Variants in PRR15L observed in about 807,000 individuals in gnomAD.
PRR15L encodes proline-rich protein 15-like protein.
In PRR15L, 1 loss-of-function variant was observed where a neutral mutation model predicts 3.7. The ratio of observed to expected loss-of-function variants is 0.27; its 90% CI spans 0.09 to 1.27. The LOEUF (loss-of-function observed/expected upper bound fraction) is 1.27, where lower values mean the gene tolerates loss of function less well. PRR15L is among the 50% of genes most tolerant of loss of function. PRR15L has a pLI of 0.47. For missense variants in PRR15L, 127 were observed against 128.7 expected, an observed-to-expected ratio of 0.99 and a Z score of 0.06; for synonymous variants, 57 against 51.9, an observed-to-expected ratio of 1.10 and a Z score of -0.42.
intron 1 of PRR15L, among the ~76,000 whole-genome samples, chr17:47,956,912 G>C (rs747809825): frequency 2.0e-5 from 3 of 152,222 alleles, no homozygotes; most frequent in South Asian, 2.1e-4. Flanking sequence ...CAGTTAGCTC[G>C]TGCAGGTTCC....
chr17:47,952,916 C>T lies in PRR15L; in HGVS notation c.*7G>A. ...AGCCAAGAGGTGCTAGCACCCTCCT[C>T]AGCCCTTCACTTTGATGACCGTCCT... is the stretch of plus-strand genomic sequence containing the variant. On this transcript the variant is annotated 3_prime_UTR_variant, in exon 2 of 2. Coordinates refer to ENST00000300557, the MANE Select transcript of PRR15L (RefSeq NM_024320.4). The T allele has an allele frequency of 6.2e-7, 1 of 1,609,780 alleles. No homozygotes were observed. Among genetic ancestry groups the T allele is most frequent in the South Asian group, 1.1e-5 (1 of 90,610 alleles).
At chr17:47,955,576 G>A (rs1046629983) in intron 1 of PRR15L, among the ~76,000 whole-genome samples, 2 of 152,142 alleles carry the variant, frequency 1.3e-5, no homozygotes, top group African/African-American at 2.4e-5. Flanking sequence ...TGCAGCTCCC[G>A]CTCAGAAAGT....
chr17:47,952,853 G>T lies in PRR15L; in HGVS notation c.*70C>A, dbSNP rs193177482. 2.7e-6 allele frequency: 4 copies of T among 1,475,166 alleles called. No homozygotes were observed. The Admixed American group carries it at 8.3e-5, about 31-fold the overall frequency. 91.4% of individuals were successfully genotyped at this position (1,475,166 alleles called of 1,614,324 possible). On this transcript the variant is annotated 3_prime_UTR_variant, in exon 2 of 2. Coordinates refer to ENST00000300557, the MANE Select transcript of PRR15L (RefSeq NM_024320.4). ...TTCAGCTATGGCCAAAGAGGCCAGC[G>T]TGGCAAGGTCCTGTCTCAGATCTGG...
At chr17:47,955,981 T>A (rs1046220679) in intron 1 of PRR15L, among the ~76,000 whole-genome samples, 1 of 152,238 alleles carries the variant, frequency 6.6e-6, no homozygotes, top group Admixed American at 6.5e-5. Flanking sequence ...TCACCTGTTT[T>A]AACAGGTATT....
At chr17:47,956,488 CAA>C (rs1028179254) in intron 1 of PRR15L, among the ~76,000 whole-genome samples, 3 of 151,570 alleles carry the variant, frequency 2.0e-5, no homozygotes, top group African/African-American at 7.3e-5. Context: ...ACAACAACAA[CAA>C]AAAAAGAGAA....
rs145504828 is a variant in PRR15L at position 47,955,784 on chromosome 17, G to C, written c.-30+1873C>G. On this transcript the variant is annotated intron_variant, in intron 1 of 1. Transcript: ENST00000300557. Reference sequence around the variant, plus strand: ...GCAGAGAAGGAGGAACAGGGCACTTGCTTGGTCTGTGGGTGCCCGAGTCAC... The same window carrying C: ...GCAGAGAAGGAGGAACAGGGCACTTCCTTGGTCTGTGGGTGCCCGAGTCAC... Among the ~76,000 whole-genome samples the C allele has an allele frequency of 3.9e-4, 60 of 152,306 alleles. 1 individual carries two copies. In the East Asian group the frequency reaches 0.011, roughly 28 times the overall value.
intron 1 of PRR15L, among the ~76,000 whole-genome samples, chr17:47,956,842 G>T (rs1034613244): frequency 2.6e-5 from 4 of 152,250 alleles, no homozygotes; most frequent in Non-Finnish European, 4.4e-5. Flanking sequence ...TTGGGGGAGT[G>T]GGGGCAGGTG....
At chr17:47,957,593 G>A (rs1254830251) in intron 1 of PRR15L, 64 bp downstream of exon 1, 1 of 152,430 alleles carries the variant, frequency 6.6e-6, no homozygotes, top group Non-Finnish European at 1.5e-5. Flanking sequence ...CCTGGAGGCA[G>A]AACCAGGTGC....
In PRR15L at chr17:47,952,661, TC is replaced by T; in HGVS notation, c.*261del. 1 of 373,462 alleles carries T rather than the reference TC, an allele frequency of 2.7e-6. No homozygotes were observed. The highest frequency in any genetic ancestry group is 4.9e-6 in the Non-Finnish European group (1 of 205,558). 23.1% of individuals were successfully genotyped at this position (373,462 alleles called of 1,614,324 possible). On this transcript the variant is annotated 3_prime_UTR_variant, in exon 2 of 2. Coordinates refer to ENST00000300557, the MANE Select transcript of PRR15L (RefSeq NM_024320.4). ...CTGCCATTGCTTCAAGGAGGGCTGT[TC>T]CTCCTGGGTGAGACTTTTCACTCTT...
rs759227067 is a variant in PRR15L, at chr17:47,953,217, A to G, written c.18T>C (p.Gly6=). Residue 6 remains glycine, a synonymous_variant, in exon 2 of 2, where the codon GGT becomes GGC. Coordinates refer to ENST00000300557, the MANE Select transcript of PRR15L (RefSeq NM_024320.4). ...TCCGGAGGAAAGTCAGCTTCCACCAACCAATTTCAGTCGTCATGGCGCTCC... is the reference window on the plus strand; with the variant it reads ...TCCGGAGGAAAGTCAGCTTCCACCAGCCAATTTCAGTCGTCATGGCGCTCC... The part of the protein sequence containing the change: MTTEI[G]WWKLTFLRKK... The G allele has an allele frequency of 6.3e-7, 1 of 1,584,478 alleles. No homozygotes were observed. Among genetic ancestry groups the G allele is most frequent in the Non-Finnish European group, 8.6e-7 (1 of 1,163,580 alleles).
rs2036087358 is a variant in PRR15L at position 47,953,091 on chromosome 17, G to T, written c.144C>A (p.Asn48Lys). ...TCTCCAGGCGGGTGTTAAAGTCGCTGTTGGGGCCTCCAGCGTCAGGCCTCG... is the reference window on the plus strand; with the variant it reads ...TCTCCAGGCGGGTGTTAAAGTCGCTTTTGGGGCCTCCAGCGTCAGGCCTCG... ...EPPRPDAGGP[N>K]SDFNTRLEKI... Residue 48 changes from asparagine to lysine, a missense_variant, in exon 2 of 2, where the codon AAC (asparagine) becomes AAA (lysine). Transcript: ENST00000300557. 3.1e-6 allele frequency: 5 copies of T among 1,614,182 alleles called. No homozygotes were observed. Among genetic ancestry groups the T allele is most frequent in the Non-Finnish European group, 3.4e-6 (4 of 1,180,022 alleles).
rs1394123116 is a variant in PRR15L at position 47,953,127 on chromosome 17, A to G, written c.108T>C (p.Asp36=). The G allele has an allele frequency of 1.2e-6, 2 of 1,613,928 alleles. No homozygotes were observed. Among genetic ancestry groups the G allele is most frequent in the African/African-American group, 1.3e-5 (1 of 74,864 alleles). ...CAGCGTCAGGCCTCGGGGGTTCTGC[A>G]TCTCCCTCTGTTTGGGCATAGGTGT... ...IPDTYAQTEG[D]AEPPRPDAGG... The change falls in exon 2 of 2, where the codon GAT becomes GAC. Residue 36 remains aspartate, a synonymous_variant. Transcript: ENST00000300557.
Position 47,952,825 on chromosome 17 carries a change from A to G in PRR15L, c.*98T>C. 3 of 1,274,694 alleles carry G rather than the reference A, an allele frequency of 2.4e-6. No individual in the cohort carries two copies. Among genetic ancestry groups the G allele is most frequent in the Non-Finnish European group, 3.2e-6 (3 of 934,088 alleles). The allele number at this position is 1,274,694 out of a possible 1,614,324, so 79.0% of individuals were successfully genotyped here. On this transcript the variant is annotated 3_prime_UTR_variant, in exon 2 of 2. Transcript: ENST00000300557. ...GCCAGCAGGTATCAACTGGCCCCAC[A>G]GCTTCAGCTATGGCCAAAGAGGCCA...
intron 1 of PRR15L, among the ~76,000 whole-genome samples, chr17:47,955,001 C>T (rs927346540): frequency 6.7e-6 from 1 of 148,312 alleles, no homozygotes; most frequent in Non-Finnish European, 1.5e-5. Flanking sequence ...ATGATCTCGG[C>T]TCACCACAAC....
At chr17:47,956,136 T>C (rs1443608085) in intron 1 of PRR15L, among the ~76,000 whole-genome samples, 4 of 152,154 alleles carry the variant, frequency 2.6e-5, no homozygotes, top group Non-Finnish European at 5.9e-5. Context: ...CTGGTGCCCT[T>C]GCATCCTAGC....
intron 1 of PRR15L, among the ~76,000 whole-genome samples, chr17:47,955,576 G>T (rs1046629983): frequency 1.3e-5 from 2 of 152,142 alleles, no homozygotes; most frequent in Admixed American, 6.5e-5. Flanking sequence ...TGCAGCTCCC[G>T]CTCAGAAAGT....
At position 47,952,875 on chromosome 17, in the gene PRR15L, C is replaced by G; in HGVS notation, c.*48G>C. ...AGCGTGGCAAGGTCCTGTCTCAGAT[C>G]TGGCTGATGGCAGGGAGCCAAGAGG... On this transcript the variant is annotated 3_prime_UTR_variant, in exon 2 of 2. Coordinates refer to ENST00000300557, the MANE Select transcript of PRR15L (RefSeq NM_024320.4). 6.4e-7 allele frequency: 1 copy of G among 1,552,354 alleles called. No homozygotes were observed. The highest frequency in any genetic ancestry group is 8.7e-7 in the Non-Finnish European group (1 of 1,147,082).
At chr17:47,954,808 A>G (rs2036110054) in intron 1 of PRR15L, among the ~76,000 whole-genome samples, 1 of 152,166 alleles carries the variant, frequency 6.6e-6, no homozygotes, top group Non-Finnish European at 1.5e-5. Flanking sequence ...AGCTCCCAGG[A>G]AGGAAGGCGC....
chr17:47,953,552 G>A (rs993450037), intron 1 of PRR15L, among the ~76,000 whole-genome samples: 1 of 151,770 alleles, frequency 6.6e-6, no homozygotes, highest in African/African-American at 2.4e-5. Flanking sequence ...CCAGCTACTC[G>A]GGTGGCTGAG....
Sources: allele counts gnomAD v4.1 joint callset (sites outside exome capture counted in the v4.1 genomes callset), GRCh38; gene constraint gnomAD v4.1.1; transcripts MANE v1.5; gene names NCBI Gene and HGNC (gene_info 2026-07-23, HGNC 2026-07-21).